The following MAGI2 variants were observed in gnomAD, a reference collection of about 807,000 sequenced individuals.
The protein encoded by MAGI2 is membrane associated guanylate kinase, WW and PDZ domain containing 2.
MAGI2 carries 35 observed loss-of-function variants against 133.3 expected under a neutral mutation model. That is an observed-to-expected ratio of 0.26 (90% CI 0.20 to 0.35). MAGI2 has a LOEUF of 0.35. Among genes scored for constraint, MAGI2 ranks in the 10% least tolerant of loss-of-function variants. The pLI, the probability that MAGI2 is intolerant of heterozygous loss-of-function variation, is 1.00. For synonymous variants in MAGI2, 729 were observed against 710.6 expected, an observed-to-expected ratio of 1.03 and a Z score of -0.41; for missense variants, 1,636 against 1,863.4, an observed-to-expected ratio of 0.88 and a Z score of 2.25.
At chr7:78,151,438 A>G (rs1199787477) in intron 16 of MAGI2, among the ~76,000 whole-genome samples, 1 of 152,198 alleles carries the variant, frequency 6.6e-6, no homozygotes, top group Admixed American at 6.5e-5. Context: ...GACGGTTCCA[A>G]GGGTTGGTTC....
chr7:78,885,906 C>T (rs2151555624), intron 2 of MAGI2, among the ~76,000 whole-genome samples: 1 of 152,236 alleles, frequency 6.6e-6, no homozygotes, highest in Middle Eastern at 3.4e-3. Context: ...GGCATCATGG[C>T]TCAAGAACAG....
chr7:78,596,063 G>C (rs1041794539), intron 3 of MAGI2, among the ~76,000 whole-genome samples: 3 of 151,058 alleles, frequency 2.0e-5, no homozygotes, highest in African/African-American at 7.3e-5. Flanking sequence ...GTTCACTGTT[G>C]TATCCTCAGT....
intron 15 of MAGI2, among the ~76,000 whole-genome samples, chr7:78,160,605 A>C (rs1379775628): frequency 3.3e-5 from 5 of 152,246 alleles, no homozygotes; most frequent in Non-Finnish European, 5.9e-5. Flanking sequence ...TCTTTGCATA[A>C]GAATAATTTA....
At position 79,453,102 on chromosome 7, in the gene MAGI2, G is replaced by T. The variant is rs148240352; in HGVS notation, c.219C>A (p.Pro73=). 6.2e-7 allele frequency: 1 copy of T among 1,613,654 alleles called. No individual in the cohort carries two copies. Among genetic ancestry groups the T allele is most frequent in the Non-Finnish European group, 8.5e-7 (1 of 1,179,978 alleles). ...EELLLEVNET[P]VAGLTIRDVL... ...CGTCCCTGATGGTGAGCCCCGCCAC[G>T]GGGGTCTCGTTCACCTCCAGCAGCA... The change falls in exon 1 of 22, where the codon CCC becomes CCA. Residue 73 remains proline (P), a synonymous_variant. Transcript: ENST00000354212.
At chr7:78,374,996 C>T (rs1006048590) in intron 6 of MAGI2, among the ~76,000 whole-genome samples, 5 of 151,892 alleles carry the variant, frequency 3.3e-5, no homozygotes, top group African/African-American at 7.3e-5. Context: ...TACACCACTA[C>T]ACCTGGCTAT....
At chr7:79,266,181 T>C (rs369558738) in intron 1 of MAGI2, among the ~76,000 whole-genome samples, 1 of 151,878 alleles carries the variant, frequency 6.6e-6, no homozygotes, top group Admixed American at 6.6e-5. Flanking sequence ...TGACCCCATA[T>C]GGTGCACAGT....
chr7:78,754,167 A>G (rs1563457493), intron 2 of MAGI2, among the ~76,000 whole-genome samples: 1 of 152,036 alleles, frequency 6.6e-6, no homozygotes, highest in Non-Finnish European at 1.5e-5. Flanking sequence ...GCTTGAGCCC[A>G]GGAGTTCGGG....
chr7:79,168,274 G>A (rs775218293), intron 1 of MAGI2, among the ~76,000 whole-genome samples: 6 of 151,708 alleles, frequency 4.0e-5, no homozygotes, highest in Admixed American at 1.3e-4. Flanking sequence ...AGCTGGTCTC[G>A]GCACACCACC....
At position 78,586,219 on chromosome 7, in the gene MAGI2, C is replaced by T. The variant is rs970926340; in HGVS notation, c.538+40901G>A. On this transcript the variant is annotated intron_variant, in intron 3 of 21. Coordinates refer to ENST00000354212, the MANE Select transcript of MAGI2 (RefSeq NM_012301.4). Reference sequence around the variant, plus strand: ...AGCATTCAGCAATGTTAGTTTCCTCCCTCTCTGGATAACTGAAGAACTCTA... The same window carrying T: ...AGCATTCAGCAATGTTAGTTTCCTCTCTCTCTGGATAACTGAAGAACTCTA... Among the ~76,000 whole-genome samples the T allele has an allele frequency of 3.9e-5, 6 of 152,214 alleles. No homozygotes were observed. The East Asian group carries it at 5.8e-4, about 15-fold the overall frequency.
intron 3 of MAGI2, among the ~76,000 whole-genome samples, chr7:78,573,403 T>G (rs1446372094): frequency 1.3e-5 from 1 of 79,208 alleles, no homozygotes; most frequent in Non-Finnish European, 2.3e-5. Context: ...TATATATATA[T>G]AGGCTGCCAC....
intron 2 of MAGI2, among the ~76,000 whole-genome samples, chr7:78,912,598 G>C (rs1439591602): frequency 3.3e-5 from 5 of 151,808 alleles, no homozygotes; most frequent in African/African-American, 4.8e-5. Flanking sequence ...TCCTGCCCTT[G>C]AACATTGGAC....
At chr7:79,355,546 A>T (rs1218614520) in intron 1 of MAGI2, among the ~76,000 whole-genome samples, 2 of 152,234 alleles carry the variant, frequency 1.3e-5, no homozygotes, top group African/African-American at 4.8e-5. Flanking sequence ...GCAACTGATC[A>T]GGACACAGTC....
At chr7:79,082,085 A>C (rs188431948) in intron 1 of MAGI2, among the ~76,000 whole-genome samples, 2 of 152,054 alleles carry the variant, frequency 1.3e-5, no homozygotes, top group African/African-American at 4.8e-5. Context: ...TTTATTGTTG[A>C]GTTGTATGAA....
intron 16 of MAGI2, among the ~76,000 whole-genome samples, chr7:78,148,386 G>A (rs913467585): frequency 5.3e-5 from 8 of 152,122 alleles, no homozygotes; most frequent in Non-Finnish European, 1.2e-4. Flanking sequence ...TGGGTGAACA[G>A]CTGATTCATT....
intron 14 of MAGI2, among the ~76,000 whole-genome samples, chr7:78,175,720 T>A (rs1023538357): frequency 3.9e-5 from 6 of 152,154 alleles, no homozygotes; most frequent in African/African-American, 9.7e-5. Flanking sequence ...CCAGGAGTCT[T>A]GGGCAGAGGT....
chr7:79,033,242 G>C (rs1338153708), intron 1 of MAGI2, among the ~76,000 whole-genome samples: 1 of 152,082 alleles, frequency 6.6e-6, no homozygotes, highest in Non-Finnish European at 1.5e-5. Context: ...AGGCAAATGT[G>C]CTTCAAAATA....
rs767395209 is a variant in MAGI2 at position 78,135,174 on chromosome 7, C to T, written c.2878G>A (p.Gly960Arg). Residue 960 changes from glycine (G) to arginine (R), a missense_variant, in exon 17 of 22, where the codon GGG becomes AGG. Transcript: ENST00000354212. ...TTTGCACAGCGATCTGCAGGACTCC[C>T]ATCAATGATGCGTCCGATTTTATGG... The part of the protein sequence containing the change: ...VPHKIGRIID[G>R]SPADRCAKLK... 30 of 1,614,036 alleles carry T rather than the reference C, an allele frequency of 1.9e-5. No homozygotes were observed. In the South Asian group the frequency reaches 2.9e-4, roughly 15 times the overall value.
At chr7:79,360,992 CATAG>C (rs1270710398) in intron 1 of MAGI2, among the ~76,000 whole-genome samples, 6 of 151,806 alleles carry the variant, frequency 4.0e-5, no homozygotes, top group African/African-American at 4.8e-5. Flanking sequence ...AATGGAAAAA[CATAG>C]ATAGATGAAA....
At chr7:78,088,466 C>T (rs1816858912) in intron 20 of MAGI2, among the ~76,000 whole-genome samples, 1 of 152,084 alleles carries the variant, frequency 6.6e-6, no homozygotes, top group Non-Finnish European at 1.5e-5. Flanking sequence ...CATTGGTTAG[C>T]TGGGATTTTG....
Sources: allele counts gnomAD v4.1 joint callset (sites outside exome capture counted in the v4.1 genomes callset), GRCh38; gene constraint gnomAD v4.1.1; transcripts MANE v1.5; gene names NCBI Gene and HGNC (gene_info 2026-07-23, HGNC 2026-07-21).